The following EIF4G3 variants were observed in gnomAD, a reference collection of about 807,000 sequenced individuals.
The protein encoded by EIF4G3 is eIF-4-gamma 3.
Under a neutral mutation model 186.4 loss-of-function variants are expected in EIF4G3, and 34 were observed. The observed-to-expected ratio is 0.18, with a 90% CI of 0.14 to 0.24. The LOEUF is 0.24. Among genes scored for constraint, EIF4G3 ranks in the 10% least tolerant of loss-of-function variants. The pLI, the probability that EIF4G3 is intolerant of heterozygous loss-of-function variation, is 1.00. For synonymous variants in EIF4G3, 673 were observed against 679.5 expected (o/e 0.99, Z 0.15); for missense variants, 1,536 against 1,948.5 (o/e 0.79, Z 3.99).
Position 21,078,567 on chromosome 1 carries a change from T to C in EIF4G3, c.-196+10571A>G, listed in dbSNP as rs576982174. Among the ~76,000 whole-genome samples the C allele has an allele frequency of 7.2e-5, 11 of 152,352 alleles. No individual in the cohort carries two copies. In the South Asian group the frequency reaches 2.3e-3, roughly 32 times the overall value. On this transcript the variant is annotated intron_variant, in intron 3 of 36. Transcript: ENST00000602326. Reference sequence around the variant, plus strand: ...GTAGGGCAACTATAGTTAACATTCATTTGTTGTATATTTCAAAATAGCTAG... The same window carrying C: ...GTAGGGCAACTATAGTTAACATTCACTTGTTGTATATTTCAAAATAGCTAG...
chr1:21,047,900 C>T (rs1343933833), intron 4 of EIF4G3, among the ~76,000 whole-genome samples: 1 of 152,096 alleles, frequency 6.6e-6, no homozygotes, highest in African/African-American at 2.4e-5. Flanking sequence ...TGCTAGGAGA[C>T]AGATGAATCC....
intron 3 of EIF4G3, among the ~76,000 whole-genome samples, chr1:21,063,867 A>G (rs558336971): frequency 1.2e-4 from 17 of 139,736 alleles, no homozygotes; most frequent in African/African-American, 4.5e-4. Context: ...ATGCCATCAC[A>G]CCCAGCTAAT....
chr1:21,117,998 C>G (rs1004419472), intron 2 of EIF4G3, among the ~76,000 whole-genome samples: 9 of 152,138 alleles, frequency 5.9e-5, no homozygotes, highest in Non-Finnish European at 1.0e-4. Flanking sequence ...CTCACATTGG[C>G]CCCTGCAAAC....
rs2058226229 is a variant in EIF4G3, at chr1:20,807,176, T to C, written c.*143A>G. 1.6e-6 allele frequency: 1 copy of C among 644,538 alleles called. No homozygotes were observed. Among genetic ancestry groups the C allele is most frequent in the South Asian group, 3.6e-5 (1 of 28,088 alleles). The allele number at this position is 644,538 out of a possible 1,614,324, so 39.9% of individuals were successfully genotyped here. On this transcript the variant is annotated 3_prime_UTR_variant, in exon 37 of 37. Coordinates refer to ENST00000602326, the MANE Select transcript of EIF4G3 (RefSeq NM_001391906.1). The stretch of plus-strand genomic sequence containing the variant: ...CCTTTTTCCTCCATGATCACCTTTT[T>C]TTCTCTTTCCCCTCTCCCACTCGTG...
intron 4 of EIF4G3, among the ~76,000 whole-genome samples, chr1:21,039,737 T>A (rs1356869157): frequency 6.6e-6 from 1 of 152,172 alleles, no homozygotes; most frequent in Non-Finnish European, 1.5e-5. Context: ...CAGGATAGGA[T>A]AAAATATATA....
chr1:20,948,486 C>G (rs2096065100), intron 13 of EIF4G3, among the ~76,000 whole-genome samples: 1 of 152,002 alleles, frequency 6.6e-6, no homozygotes, highest in African/African-American at 2.4e-5. Flanking sequence ...CAGTATAGGA[C>G]CTGTCTGTTC....
At chr1:21,053,135 G>A (rs1004339716) in intron 3 of EIF4G3, among the ~76,000 whole-genome samples, 3 of 151,974 alleles carry the variant, frequency 2.0e-5, no homozygotes, top group African/African-American at 7.2e-5. Context: ...TAGGAAGTGA[G>A]GAGCGTCTCT....
chr1:21,021,625 G>C (rs1415167008), intron 4 of EIF4G3, among the ~76,000 whole-genome samples: 2 of 151,880 alleles, frequency 1.3e-5, no homozygotes, highest in African/African-American at 4.8e-5. Context: ...GTGCAATCTC[G>C]GCTCACTGCA....
intron 2 of EIF4G3, among the ~76,000 whole-genome samples, chr1:21,160,449 A>G (rs553513148): frequency 2.6e-5 from 4 of 152,352 alleles, no homozygotes; most frequent in Non-Finnish European, 4.4e-5. Flanking sequence ...AGATTCTAAC[A>G]TTGTTTGCAA....
chr1:21,155,399 T>G (rs1382605675), intron 2 of EIF4G3, among the ~76,000 whole-genome samples: 1 of 152,096 alleles, frequency 6.6e-6, no homozygotes, highest in African/African-American at 2.4e-5. Context: ...ATGGAGTTTA[T>G]CATGCTCTGT....
Position 20,981,083 on chromosome 1 carries a change from G to A in EIF4G3, c.343C>T (p.Pro115Ser). The A allele has an allele frequency of 1.2e-6, 2 of 1,612,720 alleles. No individual in the cohort carries two copies. Among genetic ancestry groups the A allele is most frequent in the Non-Finnish European group, 1.7e-6 (2 of 1,179,240 alleles). Residue 115 changes from proline to serine, a missense_variant, in exon 9 of 37, where the codon CCA becomes TCA. Physicochemically the swap from Pro to Ser is moderately conservative, Grantham distance 74. Coordinates refer to ENST00000602326, the MANE Select transcript of EIF4G3 (RefSeq NM_001391906.1). ...CAGTACTGAGGCCCCTGGGGCACTGGGTACGGCATGGGCAGATGGTTAACC... is the reference window on the plus strand; with the variant it reads ...CAGTACTGAGGCCCCTGGGGCACTGAGTACGGCATGGGCAGATGGTTAACC... ...MMVNHLPMPYPVPQGPQYCIP... is the reference protein window; with the variant it reads ...MMVNHLPMPYSVPQGPQYCIP...
chr1:20,849,390 G>A, intron 29 of EIF4G3, 25 bp downstream of exon 29: 5 of 1,272,478 alleles, frequency 3.9e-6, no homozygotes, highest in East Asian at 2.5e-5. Context: ...TACTGTGTGT[G>A]TGTTTTTTTT....
intron 13 of EIF4G3, 148 bp from the exon 14 acceptor site, chr1:20,942,478 T>C (rs2095757188): frequency 2.9e-6 from 2 of 687,716 alleles, no homozygotes; most frequent in Middle Eastern, 4.2e-4. Context: ...GCCAAAAACA[T>C]TGTCTCTTTT....
chr1:20,892,864 G>A (rs1366352714), intron 18 of EIF4G3: 3 of 628,748 alleles, frequency 4.8e-6, no homozygotes, highest in Admixed American at 6.0e-5. Flanking sequence ...TTCAGAGACA[G>A]GGTCTTGCTT....
At position 21,127,373 on chromosome 1, in the gene EIF4G3, C is replaced by T. The variant is rs148275493; in HGVS notation, c.-271-38160G>A. Among the ~76,000 whole-genome samples the T allele has an allele frequency of 3.4e-3, 513 of 152,324 alleles. 4 individuals carry two copies. Among genetic ancestry groups the T allele is most frequent in the Middle Eastern group, 0.017 (5 of 294 alleles). ...GTGTTGGGATTACAGGCATGGGCCA[C>T]CGCATCTGGCCTGCATTATTTTTTC... On this transcript the variant is annotated intron_variant, in intron 2 of 36. Coordinates refer to ENST00000602326, the MANE Select transcript of EIF4G3 (RefSeq NM_001391906.1).
intron 4 of EIF4G3, among the ~76,000 whole-genome samples, chr1:21,046,322 G>T (rs2093885491): frequency 6.6e-6 from 1 of 152,190 alleles, no homozygotes; most frequent in Non-Finnish European, 1.5e-5. Context: ...AAGCTAGAAA[G>T]AACTACAGCT....
intron 2 of EIF4G3, among the ~76,000 whole-genome samples, chr1:21,141,316 G>A (rs2097332580): frequency 6.6e-6 from 1 of 151,892 alleles, no homozygotes; most frequent in Non-Finnish European, 1.5e-5. Flanking sequence ...GAAATGCTGT[G>A]GGATAGCATG....
At chr1:21,014,913 G>C (rs911710354) in intron 4 of EIF4G3, among the ~76,000 whole-genome samples, 1 of 152,072 alleles carries the variant, frequency 6.6e-6, no homozygotes, top group Non-Finnish European at 1.5e-5. Flanking sequence ...GGGATTATAG[G>C]CGTGAGCCAC....
At chr1:20,896,561 T>C (rs999760114) in intron 16 of EIF4G3, among the ~76,000 whole-genome samples, 1 of 152,028 alleles carries the variant, frequency 6.6e-6, no homozygotes, top group Non-Finnish European at 1.5e-5. Context: ...AAAAAGCTTA[T>C]CAAGTAAAAA....
Sources: allele counts gnomAD v4.1 joint callset (sites outside exome capture counted in the v4.1 genomes callset), GRCh38; gene constraint gnomAD v4.1.1; transcripts MANE v1.5; gene names NCBI Gene and HGNC (gene_info 2026-07-23, HGNC 2026-07-21).